KCNH1: variants seen among roughly 807,000 people sequenced by gnomAD.
KCNH1 encodes the protein potassium voltage-gated channel subfamily H member 1.
A neutral mutation model predicts 69.2 loss-of-function variants in KCNH1; 27 were observed. The ratio of observed to expected loss-of-function variants is 0.39; its 90% CI spans 0.29 to 0.54. The LOEUF (loss-of-function observed/expected upper bound fraction) is 0.54, where lower values mean the gene tolerates loss of function less well. Among genes scored for constraint, KCNH1 ranks in the 20% least tolerant of loss-of-function variants. The pLI is 0.68. For synonymous variants in KCNH1, 456 were observed against 487.7 expected (o/e 0.93, Z 0.86); for missense variants, 798 against 1,261.6 (o/e 0.63, Z 5.57).
intron 5 of KCNH1, among the ~76,000 whole-genome samples, chr1:211,033,483 T>G (rs1474815159): frequency 6.6e-6 from 1 of 152,200 alleles, no homozygotes; most frequent in Non-Finnish European, 1.5e-5. Flanking sequence ...ATTGTGGCAC[T>G]ATTCACAATA....
rs925219393 is a variant in KCNH1 at position 210,860,134 on chromosome 1, A to G, written c.1463-55968T>C. The G allele has an allele frequency of 1.5e-5, 17 of 1,165,710 alleles. No homozygotes were observed. In the African/African-American group the frequency reaches 2.6e-4, roughly 18 times the overall value. The allele number at this position is 1,165,710 out of a possible 1,614,324, so 72.2% of individuals were successfully genotyped here. A position where few individuals can be genotyped will look rare whatever the true frequency, so the allele number is the denominator to read the frequency against. ...ATCTTTTGTGCACATACTGTATATCATTTCAAGATACTTGGTATCAGACAG... is the reference window on the plus strand; with the variant it reads ...ATCTTTTGTGCACATACTGTATATCGTTTCAAGATACTTGGTATCAGACAG... On this transcript the variant is annotated intron_variant, in intron 7 of 10. Coordinates refer to ENST00000271751, the MANE Select transcript of KCNH1 (RefSeq NM_172362.3).
At chr1:210,852,610 A>G (rs1574296616) in intron 7 of KCNH1, among the ~76,000 whole-genome samples, 1 of 152,270 alleles carries the variant, frequency 6.6e-6, no homozygotes. Context: ...GTGGAATGAG[A>G]ATTTCACCCT....
intron 6 of KCNH1, among the ~76,000 whole-genome samples, chr1:210,923,003 T>G (rs1687497949): frequency 6.6e-6 from 1 of 151,614 alleles, no homozygotes; most frequent in Non-Finnish European, 1.5e-5. Context: ...TGTATTCAGT[T>G]CAAAGCAACA....
At chr1:211,000,723 G>A (rs528080050) in intron 6 of KCNH1, among the ~76,000 whole-genome samples, 1 of 152,264 alleles carries the variant, frequency 6.6e-6, no homozygotes, top group East Asian at 1.9e-4. Context: ...TAAGGCAAAA[G>A]AACAAAGCTG....
intron 7 of KCNH1, among the ~76,000 whole-genome samples, chr1:210,852,692 C>T (rs886435316): frequency 6.6e-6 from 1 of 152,058 alleles, no homozygotes; most frequent in African/African-American, 2.4e-5. Context: ...CGCGCTTGGC[C>T]CAAGGGAAAC....
chr1:210,849,459 C>T (rs1408084095), intron 7 of KCNH1, among the ~76,000 whole-genome samples: 5 of 151,080 alleles, frequency 3.3e-5, no homozygotes, highest in African/African-American at 9.7e-5. Flanking sequence ...CTCCACCTCC[C>T]GGGTTCAAGC....
At chr1:210,878,884 C>G (rs1686436095) in intron 7 of KCNH1, among the ~76,000 whole-genome samples, 1 of 151,830 alleles carries the variant, frequency 6.6e-6, no homozygotes, top group African/African-American at 2.4e-5. Flanking sequence ...AAGCTTCTAT[C>G]CAGGCTAATT....
intron 4 of KCNH1, among the ~76,000 whole-genome samples, chr1:211,086,668 A>G (rs1182189568): frequency 6.6e-6 from 1 of 152,058 alleles, no homozygotes; most frequent in South Asian, 2.1e-4. Context: ...TGACTCCACA[A>G]TGGCTGGTGG....
At chr1:210,963,252 G>T (rs374424909) in intron 6 of KCNH1, among the ~76,000 whole-genome samples, 69 of 152,054 alleles carry the variant, frequency 4.5e-4, no homozygotes, top group African/African-American at 1.6e-3. Context: ...ATCAACAAAA[G>T]GGACGTCCAC....
intron 5 of KCNH1, among the ~76,000 whole-genome samples, chr1:211,073,500 A>G (rs1690682243): frequency 6.6e-6 from 1 of 152,234 alleles, no homozygotes; most frequent in Admixed American, 6.5e-5. Flanking sequence ...ACAAACAAAT[A>G]GAAATCATAC....
chr1:210,986,792 G>A (rs973377698), intron 6 of KCNH1, among the ~76,000 whole-genome samples: 2 of 152,146 alleles, frequency 1.3e-5, no homozygotes, highest in African/African-American at 2.4e-5. Flanking sequence ...GAGTATCTTT[G>A]CGGTGTTCTC....
intron 6 of KCNH1, among the ~76,000 whole-genome samples, chr1:210,979,247 G>T (rs1288053423): frequency 6.6e-6 from 1 of 152,102 alleles, no homozygotes. Flanking sequence ...GGAATCTCAA[G>T]AAAAAACATC....
At chr1:210,770,842 C>T (rs145571440) in intron 10 of KCNH1, among the ~76,000 whole-genome samples, 1,524 of 152,292 alleles carry the variant, frequency 0.01, 25 homozygotes, top group African/African-American at 0.034. Flanking sequence ...CAGCTGAGAG[C>T]CACACTTCAC....
intron 10 of KCNH1, among the ~76,000 whole-genome samples, chr1:210,733,040 A>G (rs1248592693): frequency 6.6e-6 from 1 of 152,220 alleles, no homozygotes; most frequent in Non-Finnish European, 1.5e-5. Flanking sequence ...AGTCTCTGAG[A>G]GTTAAAAGAA....
intron 6 of KCNH1, 74 bp from the exon 7 acceptor site, chr1:210,920,143 G>T: frequency 7.4e-7 from 1 of 1,349,966 alleles, no homozygotes; most frequent in Non-Finnish European, 1.0e-6. Flanking sequence ...CCCCACTTGG[G>T]CCATTATTTT....
At chr1:210,768,865 C>T (rs1397974477) in intron 10 of KCNH1, among the ~76,000 whole-genome samples, 1 of 152,168 alleles carries the variant, frequency 6.6e-6, no homozygotes, top group Non-Finnish European at 1.5e-5. Context: ...TACTGGGGAA[C>T]ACCTGAGGAC....
In KCNH1 at chr1:210,803,837, C is replaced by G. The variant is rs79936010; in HGVS notation, c.1662+130G>C. The G allele has an allele frequency of 0.029, 21,669 of 752,878 alleles. 790 individuals carry two copies. Among genetic ancestry groups the G allele is most frequent in the East Asian group, 0.13 (5,112 of 40,314 alleles). The allele number at this position is 752,878 out of a possible 1,614,324, so 46.6% of individuals were successfully genotyped here. A position where few individuals can be genotyped will look rare whatever the true frequency, so the allele number is the denominator to read the frequency against. ...CAAACAAGACCTCTGGAGGTAGGAC[C>G]TGGAATCCCAAAGTACTCAAGTGAA... is the stretch of plus-strand genomic sequence containing the variant. On this transcript the variant is annotated intron_variant, in intron 8 of 10. Transcript: ENST00000271751.
intron 7 of KCNH1, 100 bp from the exon 8 acceptor site, chr1:210,804,266 A>G (rs1180604595): frequency 1.0e-6 from 1 of 981,050 alleles, no homozygotes; most frequent in Non-Finnish European, 1.5e-6. Context: ...GCCAATGGCC[A>G]GAGCTGTCCC....
At position 211,090,643 on chromosome 1, in the gene KCNH1, G is replaced by C. The variant is rs1558600475; in HGVS notation, c.358C>G (p.Gln120Glu). 6.2e-7 allele frequency: 1 copy of C among 1,607,680 alleles called. No homozygotes were observed. Among genetic ancestry groups the C allele is most frequent in the Non-Finnish European group, 8.5e-7 (1 of 1,178,536 alleles). The change falls in exon 4 of 11, where the codon CAG becomes GAG. Residue 120 changes from glutamine (Q) to glutamate (E), a missense_variant. This residue lies in a region of KCNH1 where 266 missense variants were observed against 457.2 expected (regional missense o/e 0.58). Transcript: ENST00000271751. ...FVKIAPIRNEQDKVVLFLCTF... is the reference protein window; with the variant it reads ...FVKIAPIRNEEDKVVLFLCTF... ...CAAAGAAATAAAACCACTTTATCCT[G>C]TTCGTTTCGAATTGGAGCAATTTTC...
Sources: gnomAD v4.1 joint callset for allele counts (sites outside exome capture counted in the v4.1 genomes callset) on GRCh38, gnomAD v4.1.1 for gene constraint, gnomAD v4.1.1 regional missense constraint, MANE v1.5 for transcripts, NCBI Gene and HGNC (gene_info 2026-07-23, HGNC 2026-07-21) for gene names.